TPO: variants seen among roughly 807,000 people sequenced by gnomAD.
The protein encoded by TPO is thyroid peroxidase.
Under a neutral mutation model 96.9 loss-of-function variants are expected in TPO, and 78 were observed. That is an observed-to-expected ratio of 0.81 (90% CI 0.67 to 0.97). The LOEUF is 0.97. Ranked by LOEUF, TPO falls within the 50% of genes least tolerant of loss-of-function variation. The pLI is 0.00. For missense variants in TPO, 1,252 were observed against 1,274.8 expected, an observed-to-expected ratio of 0.98 and a Z score of 0.27; for synonymous variants, 547 against 538.0, an observed-to-expected ratio of 1.02 and a Z score of -0.23.
chr2:1,484,802 C>A lies in TPO; in HGVS notation c.1545C>A (p.Pro515=), dbSNP rs756941323. ...GCTTCCAGGAGCACCCCGACCTGCC[C>A]GGGCTGTGGCTGCACCAGGCTTTCT... ...DASFQEHPDL[P]GLWLHQAFFS... is the part of the protein sequence containing the mutation. The change falls in exon 9 of 17, where the codon CCC becomes CCA. Residue 515 remains proline (P), a synonymous_variant. Transcript: ENST00000329066. The A allele has an allele frequency of 1.9e-6, 3 of 1,614,032 alleles. No homozygotes were observed. The highest frequency in any genetic ancestry group is 1.1e-5 in the South Asian group (1 of 91,080).
chr2:1,535,193 T>C (rs1679317073), intron 15 of TPO, among the ~76,000 whole-genome samples: 1 of 2,070 alleles, frequency 4.8e-4, no homozygotes, highest in Non-Finnish European at 9.3e-4. Context: ...TCCCGCCACT[T>C]GTGCAACCTC....
intron 7 of TPO, 34 bp downstream of exon 7, chr2:1,456,316 G>A: frequency 1.2e-6 from 2 of 1,604,306 alleles, no homozygotes; most frequent in Non-Finnish European, 1.7e-6. Flanking sequence ...TGTTTGTTAT[G>A]AAACTAAGTG....
chr2:1,435,790 TTCA>T (rs1488134684), intron 4 of TPO, among the ~76,000 whole-genome samples: 2 of 152,224 alleles, frequency 1.3e-5, no homozygotes, highest in African/African-American at 4.8e-5. Context: ...GCGTACCATC[TTCA>T]TCAAGGCAAG....
intron 1 of TPO, among the ~76,000 whole-genome samples, chr2:1,389,183 G>A (rs1661957851): frequency 6.6e-6 from 1 of 152,230 alleles, no homozygotes; most frequent in South Asian, 2.1e-4. Flanking sequence ...GACTGTGCTG[G>A]GATGAGGAGA....
At chr2:1,402,851 C>A (rs1178998514) in intron 1 of TPO, among the ~76,000 whole-genome samples, 1 of 152,108 alleles carries the variant, frequency 6.6e-6, no homozygotes, top group Non-Finnish European at 1.5e-5. Context: ...ACCATATCAC[C>A]CCATATTTTG....
chr2:1,374,905 A>G (rs1661698854), intron 1 of TPO, among the ~76,000 whole-genome samples: 1 of 151,092 alleles, frequency 6.6e-6, no homozygotes, highest in Admixed American at 6.6e-5. Flanking sequence ...TTTTTTTTGT[A>G]TTTTTAGTAG....
chr2:1,458,692 T>C (rs1668122233), intron 7 of TPO, among the ~76,000 whole-genome samples: 1 of 152,202 alleles, frequency 6.6e-6, no homozygotes, highest in African/African-American at 2.4e-5. Flanking sequence ...CTGCACTTTT[T>C]CTCATCCTCT....
At chr2:1,476,987 C>T (rs1380929126) in intron 7 of TPO, 99 bp from the exon 8 acceptor site, 12 of 1,430,510 alleles carry the variant, frequency 8.4e-6, no homozygotes, top group African/African-American at 1.4e-5. Flanking sequence ...GGCAGAGAAA[C>T]GTGCGGCGCT....
chr2:1,421,401 G>A (rs1424085769), intron 2 of TPO, among the ~76,000 whole-genome samples: 2 of 152,196 alleles, frequency 1.3e-5, no homozygotes, highest in Non-Finnish European at 2.9e-5. Context: ...CTGCAGCTAG[G>A]AGAGAAAACC....
chr2:1,454,748 C>T (rs987198998), intron 6 of TPO, among the ~76,000 whole-genome samples: 3 of 152,150 alleles, frequency 2.0e-5, no homozygotes, highest in African/African-American at 7.2e-5. Flanking sequence ...GTTCAACCCC[C>T]GAGGCTTTTT....
chr2:1,504,033 C>G lies in TPO; in HGVS notation c.2472C>G (p.Leu824=), dbSNP rs747213298. The change falls in exon 14 of 17, where the codon CTC becomes CTG. Residue 824 remains leucine (L), a synonymous_variant. Coordinates refer to ENST00000329066, the MANE Select transcript of TPO (RefSeq NM_001206744.2). ...CRNTKGGFQC[L]CADPYELGDD... ...ACACCAAAGGCGGCTTCCAGTGTCT[C>G]TGCGCGGACCCCTACGAGTTAGGAG... 1 of 1,614,246 alleles carries G rather than the reference C, an allele frequency of 6.2e-7. No homozygotes were observed. Among genetic ancestry groups the G allele is most frequent in the Non-Finnish European group, 8.5e-7 (1 of 1,180,052 alleles).
chr2:1,443,574 CCTT>C, intron 5 of TPO, among the ~76,000 whole-genome samples: 1 of 139,604 alleles, frequency 7.2e-6, no homozygotes, highest in African/African-American at 2.7e-5. Context: ...AGGGCAGGCT[CCTT>C]CTTGTTTGTA....
Position 1,487,831 on chromosome 2 carries a change from C to A in TPO, c.1608C>A (p.Asp536Glu). 1.9e-6 allele frequency: 3 copies of A among 1,614,200 alleles called. No individual in the cohort carries two copies. In the South Asian group the frequency reaches 3.3e-5, roughly 18 times the overall value. Residue 536 changes from aspartate (D) to glutamate (E), a missense_variant, in exon 10 of 17, where the codon GAC becomes GAA. By Grantham distance (45) the Asp-to-Glu change is conservative. Transcript: ENST00000329066. Reference protein sequence around the residue: ...PWTLLRGGGLDPLIRGLLARP... With the variant: ...PWTLLRGGGLEPLIRGLLARP... The stretch of plus-strand genomic sequence containing the variant: ...CATGGTATTTTCCAGGTGGTTTGGA[C>A]CCACTAATACGAGGCCTTCTTGCAA...
At chr2:1,471,337 T>C (rs1405479302) in intron 7 of TPO, among the ~76,000 whole-genome samples, 1 of 152,154 alleles carries the variant, frequency 6.6e-6, no homozygotes, top group Non-Finnish European at 1.5e-5. Context: ...CACTTTTTCA[T>C]CTACTTCACA....
chr2:1,493,509 T>C (rs1672005340), intron 10 of TPO, among the ~76,000 whole-genome samples: 1 of 90,848 alleles, frequency 1.1e-5, no homozygotes, highest in African/African-American at 3.6e-5. Flanking sequence ...TGGAATATCC[T>C]AGCCTGGCAA....
At chr2:1,404,078 C>T (rs148178187) in intron 1 of TPO, among the ~76,000 whole-genome samples, 59 of 152,288 alleles carry the variant, frequency 3.9e-4, no homozygotes, top group African/African-American at 1.3e-3. Context: ...ATGGATCTCC[C>T]GAGCACAGAT....
chr2:1,402,445 C>A (rs951563710), intron 1 of TPO, among the ~76,000 whole-genome samples: 2 of 152,130 alleles, frequency 1.3e-5, no homozygotes, highest in African/African-American at 4.8e-5. Context: ...GGAGCCAACA[C>A]GGAGCCAAGG....
At chr2:1,413,598 G>A (rs975210732) in intron 1 of TPO, 53 bp downstream of exon 1, 19 of 880,174 alleles carry the variant, frequency 2.2e-5, no homozygotes, top group Non-Finnish European at 2.3e-5. Context: ...ATTCATCATT[G>A]GAACTTGTAA....
intron 7 of TPO, among the ~76,000 whole-genome samples, chr2:1,461,877 G>C (rs555968718): frequency 2.3e-4 from 35 of 152,296 alleles, no homozygotes; most frequent in African/African-American, 7.7e-4. Flanking sequence ...CCGTGGCGAG[G>C]AGCAGGATAC....
Sources: allele counts gnomAD v4.1 joint callset (sites outside exome capture counted in the v4.1 genomes callset), GRCh38; gene constraint gnomAD v4.1.1; transcripts MANE v1.5; gene names NCBI Gene and HGNC (gene_info 2026-07-23, HGNC 2026-07-21).